The following CCDC198 variants were observed in gnomAD, a reference collection of about 807,000 sequenced individuals.
The protein encoded by CCDC198 is coiled-coil domain containing 198.
A neutral mutation model predicts 35.6 loss-of-function variants in CCDC198; 18 were observed. The observed-to-expected ratio is 0.51, with a 90% CI of 0.35 to 0.75. CCDC198 has a LOEUF of 0.75. Ranked by LOEUF, CCDC198 falls within the 30% of genes least tolerant of loss-of-function variation. The probability of loss-of-function intolerance (pLI) is 0.01; values close to 1 mark genes in which losing one functional copy is unlikely to be tolerated. For synonymous variants in CCDC198, 119 were observed against 113.4 expected, an observed-to-expected ratio of 1.05 and a Z score of -0.31; for missense variants, 365 against 343.7, an observed-to-expected ratio of 1.06 and a Z score of -0.49.
intron 5 of CCDC198, among the ~76,000 whole-genome samples, chr14:57,478,072 T>G (rs2067062971): frequency 6.6e-6 from 1 of 152,194 alleles, no homozygotes; most frequent in Non-Finnish European, 1.5e-5. Context: ...TGACTGGCAC[T>G]TGAATTGGTT....
At position 57,483,742 on chromosome 14, in the gene CCDC198, T is replaced by C. The variant is rs553934524; in HGVS notation, c.307-591A>G. Among the ~76,000 whole-genome samples the C allele has an allele frequency of 6.6e-5, 10 of 152,298 alleles. No homozygotes were observed. In the South Asian group the frequency reaches 2.1e-3, roughly 32 times the overall value. ...GGGGGTCACTAAGACTGGGCAGCAA[T>C]TCATGTCAACCGGTCTGCCTCCAGC... On this transcript the variant is annotated intron_variant, in intron 2 of 5. Coordinates refer to ENST00000216445, the MANE Select transcript of CCDC198 (RefSeq NM_018168.4).
chr14:57,480,497 G>C, intron 5 of CCDC198, 98 bp downstream of exon 5: 1 of 1,399,842 alleles, frequency 7.1e-7, no homozygotes, highest in African/African-American at 1.4e-5. Flanking sequence ...GCTCAAAGCT[G>C]TTTGCTGTCT....
intron 1 of CCDC198, among the ~76,000 whole-genome samples, chr14:57,492,060 T>C (rs1447587581): frequency 6.6e-6 from 1 of 152,100 alleles, no homozygotes; most frequent in Non-Finnish European, 1.5e-5. Context: ...TCAGCTATTT[T>C]TTCAGAAGGC....
At chr14:57,491,464 A>T (rs1057118743) in intron 1 of CCDC198, among the ~76,000 whole-genome samples, 5 of 152,150 alleles carry the variant, frequency 3.3e-5, no homozygotes, top group African/African-American at 9.6e-5. Context: ...AAAATATATA[A>T]CTTTAAAAAA....
At chr14:57,478,516 A>G in intron 5 of CCDC198, 1 of 986,954 alleles carries the variant, frequency 1.0e-6, no homozygotes, top group Non-Finnish European at 1.2e-6. Flanking sequence ...AGCAGAGGAA[A>G]ACCCCTTTCT....
intron 5 of CCDC198, among the ~76,000 whole-genome samples, chr14:57,472,647 T>C (rs1342417397): frequency 1.3e-5 from 2 of 152,218 alleles, no homozygotes; most frequent in Non-Finnish European, 2.9e-5. Flanking sequence ...GGAAGTTCAG[T>C]GAGTCTGGCA....
intron 5 of CCDC198, 43 bp from the exon 6 acceptor site, chr14:57,471,633 GATTT>G (rs765686015): frequency 9.4e-6 from 11 of 1,164,662 alleles, no homozygotes; most frequent in African/African-American, 3.1e-5. Context: ...CCTTAGCAAT[GATTT>G]ATTTGTTTAT....
intron 5 of CCDC198, among the ~76,000 whole-genome samples, chr14:57,474,436 A>T (rs1273030050): frequency 1.3e-5 from 2 of 152,202 alleles, no homozygotes; most frequent in Non-Finnish European, 2.9e-5. Flanking sequence ...CAGAAGGGGA[A>T]TGTTTGTTTG....
chr14:57,481,590 T>C lies in CCDC198; in HGVS notation c.464A>G (p.Gln155Arg). Residue 155 changes from glutamine to arginine, a missense_variant, in exon 4 of 6, where the codon CAA becomes CGA. Coordinates refer to ENST00000216445, the MANE Select transcript of CCDC198 (RefSeq NM_018168.4). ...TCTTTTACGGATCATTTCCAGCACT[T>C]GCATCTTATGCAAATATTGTCTGTT... The part of the protein sequence containing the change: ...SENRQYLHKM[Q>R]VLEMIRKRQE... 6.2e-7 allele frequency: 1 copy of C among 1,612,670 alleles called. No individual in the cohort carries two copies. The highest frequency in any genetic ancestry group is 8.5e-7 in the Non-Finnish European group (1 of 1,179,474).
intron 5 of CCDC198, among the ~76,000 whole-genome samples, chr14:57,473,400 C>A (rs936813102): frequency 2.0e-5 from 3 of 152,212 alleles, no homozygotes; most frequent in African/African-American, 7.2e-5. Flanking sequence ...GCTTCTGCTC[C>A]TGGCTACCCT....
intron 5 of CCDC198, among the ~76,000 whole-genome samples, chr14:57,473,476 C>A (rs1005302430): frequency 1.3e-5 from 2 of 152,174 alleles, no homozygotes; most frequent in Admixed American, 1.3e-4. Context: ...ACCCAGGAAT[C>A]TACCTGGCCT....
rs1041341422 is a variant in CCDC198 at position 57,469,609 on chromosome 14, C to A, written c.*1746G>T. ...GATTTGTTTATCCTCTCAAGGATCTCATTTTTTCTAGAAAGCTGGCTAGTC... is the reference window on the plus strand; with the variant it reads ...GATTTGTTTATCCTCTCAAGGATCTAATTTTTTCTAGAAAGCTGGCTAGTC... On this transcript the variant is annotated 3_prime_UTR_variant, in exon 6 of 6. Transcript: ENST00000216445. The A allele has an allele frequency of 6.6e-6, 1 of 152,160 alleles. No homozygotes were observed. 9.4% of individuals were successfully genotyped at this position (152,160 alleles called of 1,614,324 possible).
chr14:57,491,141 A>T, intron 1 of CCDC198, 70 bp from the exon 2 acceptor site: 2 of 1,482,892 alleles, frequency 1.3e-6, no homozygotes, highest in Non-Finnish European at 1.9e-6. Context: ...GGCAATCATT[A>T]GTTACTAGAC....
At chr14:57,487,425 T>C (rs1361041474) in intron 2 of CCDC198, among the ~76,000 whole-genome samples, 1 of 152,112 alleles carries the variant, frequency 6.6e-6, no homozygotes. Context: ...AACAAATATT[T>C]GAAGATGAGG....
chr14:57,493,846 C>A lies in CCDC198; in HGVS notation c.-131G>T. ...AAAGCAGTCATTTCCTTCATGGCAT[C>A]CTTCTAGCTCTGTTTCACTGCACAC... On this transcript the variant is annotated 5_prime_UTR_variant, in exon 1 of 6. Transcript: ENST00000216445. 1.4e-6 allele frequency: 1 copy of A among 704,002 alleles called. No individual in the cohort carries two copies. Among genetic ancestry groups the A allele is most frequent in the Non-Finnish European group, 2.3e-6 (1 of 429,058 alleles). The allele number at this position is 704,002 out of a possible 1,614,324, so 43.6% of individuals were successfully genotyped here. A position where few individuals can be genotyped will look rare whatever the true frequency, so the allele number is the denominator to read the frequency against.
intron 2 of CCDC198, among the ~76,000 whole-genome samples, chr14:57,486,526 G>A (rs1009629971): frequency 1.3e-5 from 2 of 151,836 alleles, no homozygotes; most frequent in African/African-American, 4.8e-5. Context: ...AGATTCAACA[G>A]GTCTGGGGTA....
chr14:57,483,319 C>G (rs2067249662), intron 2 of CCDC198, 168 bp from the exon 3 acceptor site: 1 of 953,732 alleles, frequency 1.0e-6, no homozygotes, highest in Admixed American at 2.7e-5. Flanking sequence ...GTACAAAGGG[C>G]TTTTCAACCT....
intron 2 of CCDC198, among the ~76,000 whole-genome samples, chr14:57,489,637 G>C (rs1274182826): frequency 1.3e-5 from 2 of 152,122 alleles, no homozygotes; most frequent in Non-Finnish European, 2.9e-5. Flanking sequence ...TGGTGGTGCA[G>C]TGTTTGACTC....
At chr14:57,492,515 T>C (rs1371078440) in intron 1 of CCDC198, among the ~76,000 whole-genome samples, 1 of 151,996 alleles carries the variant, frequency 6.6e-6, no homozygotes, top group Non-Finnish European at 1.5e-5. Context: ...TCCCTCTATC[T>C]ATCATAAAAA....
Sources: allele counts gnomAD v4.1 joint callset (sites outside exome capture counted in the v4.1 genomes callset), GRCh38; gene constraint gnomAD v4.1.1; transcripts MANE v1.5; gene names NCBI Gene and HGNC (gene_info 2026-07-23, HGNC 2026-07-21).